LCT: variants seen among roughly 807,000 people sequenced by gnomAD.
LCT encodes the protein lactase/phlorizin hydrolase.
LCT carries 90 observed loss-of-function variants against 173.0 expected under a neutral mutation model. That is an observed-to-expected ratio of 0.52 (90% CI 0.44 to 0.62). The LOEUF is 0.62. Ranked by LOEUF, LCT falls within the 20% of genes least tolerant of loss-of-function variation. The probability of loss-of-function intolerance (pLI) is 0.00; values close to 1 mark genes in which losing one functional copy is unlikely to be tolerated. For synonymous variants in LCT, 853 were observed against 957.6 expected (o/e 0.89, Z 2.02); for missense variants, 1,864 against 2,431.4 (o/e 0.77, Z 4.91).
chr2:135,824,520 G>A (rs1047044657), intron 3 of LCT, among the ~76,000 whole-genome samples: 1 of 152,092 alleles, frequency 6.6e-6, no homozygotes, highest in Non-Finnish European at 1.5e-5. Context: ...CAGCCTGGGT[G>A]ACAGAGCAAG....
intron 2 of LCT, among the ~76,000 whole-genome samples, chr2:135,831,033 C>T (rs1283953002): frequency 1.3e-5 from 2 of 152,196 alleles, no homozygotes; most frequent in South Asian, 2.1e-4. Context: ...CTGGGGACTT[C>T]GGATGCCTGT....
rs1227458387 is a variant in LCT, at chr2:135,812,765, G to C, written c.1899C>G (p.His633Gln). 4 of 1,614,176 alleles carry C rather than the reference G, an allele frequency of 2.5e-6. No homozygotes were observed. The highest frequency in any genetic ancestry group is 3.4e-6 in the Non-Finnish European group (4 of 1,180,034). Residue 633 changes from histidine to glutamine, a missense_variant, in exon 7 of 17, where the codon CAC becomes CAG. Coordinates refer to ENST00000264162, the MANE Select transcript of LCT (RefSeq NM_002299.4). ...FLHFMLGWFA[H>Q]PVFVDGDYPA... ...GGTAGTCTCCATCCACAAAGACGGG[G>C]TGTGCAAACCAGCCCAGCATGAAGT...
chr2:135,794,683 T>C lies in LCT; in HGVS notation c.5069A>G (p.Asn1690Ser). ...FNHYTTVLAY[N>S]LNYATAISSF... ...AGAGATGGCAGTGGCATAGTTGAGGTTGTAGGCGAGGACAGTGGTGTAGTG... is the reference window on the plus strand; with the variant it reads ...AGAGATGGCAGTGGCATAGTTGAGGCTGTAGGCGAGGACAGTGGTGTAGTG... Residue 1690 changes from asparagine to serine, a missense_variant, in exon 14 of 17, where the codon AAC becomes AGC. This residue lies in a region of LCT where 514 missense variants were observed against 750.1 expected (regional missense o/e 0.69). Coordinates refer to ENST00000264162, the MANE Select transcript of LCT (RefSeq NM_002299.4). 1 of 1,614,122 alleles carries C rather than the reference T, an allele frequency of 6.2e-7. No individual in the cohort carries two copies. The highest frequency in any genetic ancestry group is 1.1e-5 in the South Asian group (1 of 91,078).
rs763130935 is a variant in LCT at position 135,812,417 on chromosome 2, T to C, written c.2247A>G (p.Pro749=). Residue 749 remains proline, a synonymous_variant, in exon 7 of 17, where the codon CCA becomes CCG. Coordinates refer to ENST00000264162, the MANE Select transcript of LCT (RefSeq NM_002299.4). The part of the protein sequence containing the change: ...VSLEYTRGKV[P]IYLAGNGMPI... ...GCATGCCATTCCCGGCAAGGTATAT[T>C]GGAACTTTTCCTCTTGTGTATTCCA... 4 of 1,614,222 alleles carry C rather than the reference T, an allele frequency of 2.5e-6. No individual in the cohort carries two copies. In the Admixed American group the frequency reaches 5.0e-5, roughly 20 times the overall value.
rs746306847 is a variant in LCT, at chr2:135,807,229, C to T, written c.4072G>A (p.Val1358Ile). 2.5e-6 allele frequency: 4 copies of T among 1,614,108 alleles called. No individual in the cohort carries two copies. In the South Asian group the frequency reaches 4.4e-5, roughly 18 times the overall value. Residue 1358 changes from valine to isoleucine, a missense_variant, in exon 9 of 17, where the codon GTC becomes ATC. Val to Ile is a conservative substitution (Grantham distance 29). Around this residue, in one of 4 missense-constraint regions of LCT, gnomAD observed 514 missense variants for 750.1 expected, o/e 0.69. Transcript: ENST00000264162. Reference protein sequence around the residue: ...ARASARYYTEVITNNGMPLAR... With the variant: ...ARASARYYTEIITNNGMPLAR... The stretch of plus-strand genomic sequence containing the variant: ...AGTGGCATGCCGTTGTTGGTAATGA[C>T]CTCTGTGTAGTACCTGGCGGAGGCT...
At chr2:135,815,096 C>A (rs1319536923) in intron 6 of LCT, among the ~76,000 whole-genome samples, 1 of 152,142 alleles carries the variant, frequency 6.6e-6, no homozygotes, top group Non-Finnish European at 1.5e-5. Flanking sequence ...AGAGCCCTCA[C>A]CAGAACCCAA....
chr2:135,803,130 T>C (rs1045271540), intron 11 of LCT, among the ~76,000 whole-genome samples: 1 of 151,742 alleles, frequency 6.6e-6, no homozygotes, highest in African/African-American at 2.4e-5. Context: ...AAAAAATGAA[T>C]AAAAAATAAT....
At chr2:135,813,328 C>T (rs917317240) in intron 6 of LCT, among the ~76,000 whole-genome samples, 3 of 152,058 alleles carry the variant, frequency 2.0e-5, no homozygotes, top group African/African-American at 4.8e-5. Flanking sequence ...CCAACATGAA[C>T]GGCATCAACA....
intron 14 of LCT, among the ~76,000 whole-genome samples, chr2:135,791,661 C>G (rs553224819): frequency 6.6e-6 from 1 of 152,148 alleles, no homozygotes; most frequent in Non-Finnish European, 1.5e-5. Flanking sequence ...TTCCCAGGGA[C>G]AGCCCCAGGG....
intron 8 of LCT, among the ~76,000 whole-genome samples, chr2:135,807,656 C>T (rs1022856008): frequency 2.6e-5 from 4 of 152,084 alleles, no homozygotes; most frequent in African/African-American, 9.7e-5. Flanking sequence ...AGATCTTCAG[C>T]CCACTTAGGA....
Position 135,818,056 on chromosome 2 carries a change from G to A in LCT, c.992C>T (p.Ser331Phe). The A allele has an allele frequency of 1.2e-6, 2 of 1,613,332 alleles. No homozygotes were observed. Among genetic ancestry groups the A allele is most frequent in the Middle Eastern group, 3.3e-4 (2 of 6,056 alleles). ...SCSSSSKKSM[S>F]CSLTGSLALQ... Reference sequence around the variant, plus strand: ...GGCCAGGCTGCCAGTCAGAGAACAAGACATGCTGCAGGATTGAAGGGACAA... The same window carrying A: ...GGCCAGGCTGCCAGTCAGAGAACAAAACATGCTGCAGGATTGAAGGGACAA... Residue 331 changes from serine (S) to phenylalanine (F), a missense_variant, in exon 6 of 17, where the codon TCT (serine) becomes TTT (phenylalanine). This residue lies in a region of LCT where 412 missense variants were observed against 462.0 expected (regional missense o/e 0.89). Transcript: ENST00000264162.
chr2:135,817,923 A>G lies in LCT; in HGVS notation c.1125T>C (p.Asp375=), dbSNP rs747475714. 1.9e-6 allele frequency: 3 copies of G among 1,614,052 alleles called. No homozygotes were observed. In the East Asian group the frequency reaches 6.7e-5, roughly 36 times the overall value. ...AFANQSRAER[D]AFLQDTFPEG... is the part of the protein sequence containing the mutation. ...CAGGGAAAGTATCCTGCAGGAAGGC[A>G]TCCCTTTCCGCCCTGGACTGATTGG... The change falls in exon 6 of 17, where the codon GAT becomes GAC. Residue 375 remains aspartate (D), a synonymous_variant. Transcript: ENST00000264162.
chr2:135,830,274 C>T (rs1420661267), intron 2 of LCT, among the ~76,000 whole-genome samples: 3 of 152,114 alleles, frequency 2.0e-5, no homozygotes, highest in East Asian at 3.9e-4. Context: ...TCGTCGACAC[C>T]CCCATCCACA....
chr2:135,817,894 C>G lies in LCT; in HGVS notation c.1154G>C (p.Gly385Ala). Residue 385 changes from glycine (G) to alanine (A), a missense_variant, in exon 6 of 17, where the codon GGC becomes GCC. Transcript: ENST00000264162. Reference sequence around the variant, plus strand: ...TCCTGTGGAGGCACCCCAGAGGAAGCCTTCAGGGAAAGTATCCTGCAGGAA... The same window carrying G: ...TCCTGTGGAGGCACCCCAGAGGAAGGCTTCAGGGAAAGTATCCTGCAGGAA... ...DAFLQDTFPE[G>A]FLWGASTGAF... The G allele has an allele frequency of 1.2e-6, 2 of 1,613,930 alleles. No homozygotes were observed. Among genetic ancestry groups the G allele is most frequent in the African/African-American group, 1.3e-5 (1 of 75,014 alleles).
At chr2:135,805,213 C>T (rs975810657) in intron 9 of LCT, among the ~76,000 whole-genome samples, 156 bp from the exon 10 acceptor site, 1 of 152,106 alleles carries the variant, frequency 6.6e-6, no homozygotes, top group Non-Finnish European at 1.5e-5. Flanking sequence ...TGGCTCACGC[C>T]GGCAACCCCA....
At chr2:135,799,117 T>C (rs1433854203) in intron 12 of LCT, among the ~76,000 whole-genome samples, 2 of 152,238 alleles carry the variant, frequency 1.3e-5, no homozygotes, top group Non-Finnish European at 2.9e-5. Flanking sequence ...GTTTCAAAAC[T>C]GTTTCCCCAG....
rs752235088 is a variant in LCT, at chr2:135,809,325, C to G, written c.3022G>C (p.Val1008Leu). The G allele has an allele frequency of 1.2e-6, 2 of 1,614,238 alleles. No individual in the cohort carries two copies. The highest frequency in any genetic ancestry group is 2.2e-5 in the South Asian group (2 of 91,092). Residue 1008 changes from valine (V) to leucine (L), a missense_variant, in exon 8 of 17, where the codon GTG becomes CTG. Physicochemically the swap from Val to Leu is conservative, Grantham distance 32. Transcript: ENST00000264162. The surrounding 1 kb of genome is among the most constrained non-coding windows in gnomAD (Gnocchi z 5.5). Reference sequence around the variant, plus strand: ...ACCATGGGAAAGATGTTGCTTGCCACCAAGCCATTGATCAGCCTGTTGTAA... The same window carrying G: ...ACCATGGGAAAGATGTTGCTTGCCAGCAAGCCATTGATCAGCCTGTTGTAA... ...DYYNRLINGL[V>L]ASNIFPMVTL...
At chr2:135,828,550 G>A (rs1250452929) in intron 3 of LCT, among the ~76,000 whole-genome samples, 1 of 152,190 alleles carries the variant, frequency 6.6e-6, no homozygotes, top group Non-Finnish European at 1.5e-5. Context: ...CCACAGGAAG[G>A]CAGCTCTCCA....
rs1457028270 is a variant in LCT, at chr2:135,788,530, T to C, written c.5578A>G (p.Ile1860Val). The part of the protein sequence containing the change: ...CLHQPDAGPT[I>V]SPVRQEEVQF... ...ACCTCCTCCTGTCTCACGGGGCTGATGGTGGGTCCAGCATCTAGGAGAGTG... is the reference window on the plus strand; with the variant it reads ...ACCTCCTCCTGTCTCACGGGGCTGACGGTGGGTCCAGCATCTAGGAGAGTG... Residue 1860 changes from isoleucine (I) to valine (V), a missense_variant, in exon 17 of 17, where the codon ATC becomes GTC. By Grantham distance (29) the Ile-to-Val change is conservative. This residue lies in a region of LCT where 514 missense variants were observed against 750.1 expected (regional missense o/e 0.69). Transcript: ENST00000264162. 7.5e-6 allele frequency: 12 copies of C among 1,609,658 alleles called. No individual in the cohort carries two copies. The highest frequency in any genetic ancestry group is 9.3e-6 in the Non-Finnish European group (11 of 1,177,564).
Sources: gnomAD v4.1 joint callset for allele counts (sites outside exome capture counted in the v4.1 genomes callset) on GRCh38, gnomAD v4.1.1 for gene constraint, gnomAD v4.1.1 regional missense constraint, Gnocchi (gnomAD v3.1) non-coding constraint, MANE v1.5 for transcripts, NCBI Gene and HGNC (gene_info 2026-07-23, HGNC 2026-07-21) for gene names.